TSC22D1: variants seen among roughly 807,000 people sequenced by gnomAD.
The protein encoded by TSC22D1 is TSC22 domain family protein 1.
Under a neutral mutation model 74.2 loss-of-function variants are expected in TSC22D1, and 9 were observed. That is an observed-to-expected ratio of 0.12 (90% CI 0.07 to 0.21). TSC22D1 has a LOEUF of 0.21. Ranked by LOEUF, TSC22D1 falls within the 10% of genes least tolerant of loss-of-function variation. TSC22D1 has a pLI of 1.00. For missense variants in TSC22D1, 1,427 were observed against 1,304.7 expected (o/e 1.09, Z -1.44); for synonymous variants, 586 against 492.5 (o/e 1.19, Z -2.51).
chr13:44,449,481 G>A (rs1004488615), intron 1 of TSC22D1, among the ~76,000 whole-genome samples: 3 of 152,184 alleles, frequency 2.0e-5, no homozygotes, highest in South Asian at 2.1e-4. Flanking sequence ...GGCAGGCTGC[G>A]TCCCCAAGGC....
chr13:44,544,227 C>A (rs936437438), intron 1 of TSC22D1, among the ~76,000 whole-genome samples: 3 of 151,822 alleles, frequency 2.0e-5, no homozygotes, highest in African/African-American at 7.3e-5. Flanking sequence ...CAAATGTTAG[C>A]CAAATTGCAA....
chr13:44,487,887 C>T (rs946869168), intron 1 of TSC22D1, among the ~76,000 whole-genome samples: 1 of 151,520 alleles, frequency 6.6e-6, no homozygotes, highest in Non-Finnish European at 1.5e-5. Context: ...GCAATACCCC[C>T]ACTCTACTAA....
intron 1 of TSC22D1, among the ~76,000 whole-genome samples, chr13:44,443,023 GAAAAAA>G (rs766837610): frequency 1.6e-5 from 2 of 127,036 alleles, no homozygotes. Flanking sequence ...TGAAGTCCCT[GAAAAAA>G]AAAAAAAAGG....
intron 1 of TSC22D1, among the ~76,000 whole-genome samples, chr13:44,514,908 A>G (rs1879906722): frequency 6.6e-6 from 1 of 152,168 alleles, no homozygotes; most frequent in African/African-American, 2.4e-5. Context: ...TTTATTAAAA[A>G]CATGCAAATT....
chr13:44,462,993 G>C (rs1297991110), intron 1 of TSC22D1, among the ~76,000 whole-genome samples: 1 of 152,144 alleles, frequency 6.6e-6, no homozygotes, highest in Non-Finnish European at 1.5e-5. Context: ...CAAAGAGTTT[G>C]AGGAACTTAA....
intron 1 of TSC22D1, among the ~76,000 whole-genome samples, chr13:44,450,324 G>A (rs982026001): frequency 6.6e-6 from 1 of 152,192 alleles, no homozygotes; most frequent in African/African-American, 2.4e-5. Context: ...AAGGAAAAAA[G>A]TTTAAGACAG....
intron 1 of TSC22D1, among the ~76,000 whole-genome samples, chr13:44,556,110 C>T (rs891570421): frequency 4.6e-5 from 7 of 152,000 alleles, no homozygotes; most frequent in Admixed American, 4.6e-4. Context: ...TTTTAAGATA[C>T]ATCTTTACTA....
chr13:44,527,631 AAAG>A (rs1449685741), intron 1 of TSC22D1, among the ~76,000 whole-genome samples: 1 of 152,156 alleles, frequency 6.6e-6, no homozygotes, highest in Non-Finnish European at 1.5e-5. Flanking sequence ...ATTTTTTAAA[AAAG>A]AACAAGAGCA....
At chr13:44,449,845 A>C (rs1325303740) in intron 1 of TSC22D1, among the ~76,000 whole-genome samples, 1 of 152,170 alleles carries the variant, frequency 6.6e-6, no homozygotes. Context: ...AGAATTTAAA[A>C]ACTTTCTATA....
At chr13:44,539,452 A>G (rs913400349) in intron 1 of TSC22D1, 1 of 985,248 alleles carries the variant, frequency 1.0e-6, no homozygotes, top group African/African-American at 1.7e-5. Flanking sequence ...AATATAAAAG[A>G]GCACTTAGAA....
intron 1 of TSC22D1, among the ~76,000 whole-genome samples, chr13:44,484,490 TAC>T (rs1566134461): frequency 6.6e-6 from 1 of 152,170 alleles, no homozygotes; most frequent in Non-Finnish European, 1.5e-5. Flanking sequence ...CACAGAAACA[TAC>T]GTTACTTTAA....
intron 1 of TSC22D1, among the ~76,000 whole-genome samples, chr13:44,481,599 T>G (rs1878179444): frequency 6.6e-6 from 1 of 152,216 alleles, no homozygotes; most frequent in South Asian, 2.1e-4. Context: ...GCATCTACTA[T>G]GCTCAGGAAC....
At chr13:44,440,921 C>A (rs564396992) in intron 1 of TSC22D1, among the ~76,000 whole-genome samples, 1 of 152,244 alleles carries the variant, frequency 6.6e-6, no homozygotes, top group African/African-American at 2.4e-5. Flanking sequence ...TGCTGGCAGT[C>A]AGAAAAAGAT....
At chr13:44,455,973 A>G (rs61949794) in intron 1 of TSC22D1, among the ~76,000 whole-genome samples, 15,082 of 152,252 alleles carry the variant, frequency 0.099, 783 homozygotes, top group Non-Finnish European at 0.11. Context: ...GATATGCAGT[A>G]AAGAACTCAA....
In TSC22D1 at chr13:44,549,409, A is replaced by G. The variant is rs192517356; in HGVS notation, c.2912+23754T>C. ...CAATTGAGCCTAAAGTGACAAGGAA[A>G]TATCAGTAGCTTCCACCAATCTCAG... On this transcript the variant is annotated intron_variant, in intron 1 of 2. Coordinates refer to ENST00000458659, the MANE Select transcript of TSC22D1 (RefSeq NM_183422.4). Among the ~76,000 whole-genome samples, 175 of 152,240 alleles carry G rather than the reference A, an allele frequency of 1.1e-3. 1 individual carries two copies. The highest frequency in any genetic ancestry group is 1.6e-3 in the Non-Finnish European group (108 of 68,014).
chr13:44,567,133 C>T (rs1391480766), intron 1 of TSC22D1, among the ~76,000 whole-genome samples: 1 of 152,208 alleles, frequency 6.6e-6, no homozygotes, highest in Non-Finnish European at 1.5e-5. Context: ...AGTGAAGAAA[C>T]GTATCTGGGG....
chr13:44,536,802 C>G lies in TSC22D1; in HGVS notation c.2912+36361G>C, dbSNP rs572877925. The G allele has an allele frequency of 4.1e-6, 4 of 984,150 alleles. No homozygotes were observed. In the African/African-American group the frequency reaches 7.0e-5, roughly 17 times the overall value. The allele number at this position is 984,150 out of a possible 1,614,324, so 61.0% of individuals were successfully genotyped here. A position where few individuals can be genotyped will look rare whatever the true frequency, so the allele number is the denominator to read the frequency against. ...ATCTAAAAAAGTCCAATTCTGGAAA[C>G]TAATCAGGAAAGATGATGCTAATCA... On this transcript the variant is annotated intron_variant, in intron 1 of 2. Coordinates refer to ENST00000458659, the MANE Select transcript of TSC22D1 (RefSeq NM_183422.4).
intron 1 of TSC22D1, among the ~76,000 whole-genome samples, chr13:44,494,482 T>C (rs1280965636): frequency 6.9e-6 from 1 of 144,216 alleles, no homozygotes; most frequent in Non-Finnish European, 1.5e-5. Context: ...TGCTTGAGCC[T>C]GGGAGGTCAA....
At chr13:44,456,571 C>A (rs143992506) in intron 1 of TSC22D1, among the ~76,000 whole-genome samples, 34 of 152,336 alleles carry the variant, frequency 2.2e-4, no homozygotes, top group African/African-American at 7.5e-4. Context: ...AGAAGCCCAG[C>A]CGGCTTCACC....
Sources: gnomAD v4.1 joint callset for allele counts (sites outside exome capture counted in the v4.1 genomes callset) on GRCh38, gnomAD v4.1.1 for gene constraint, MANE v1.5 for transcripts, NCBI Gene and HGNC (gene_info 2026-07-23, HGNC 2026-07-21) for gene names.